Variants in LAMB4 observed in about 807,000 individuals in gnomAD.
LAMB4 encodes laminin subunit beta-4.
In LAMB4, 196 loss-of-function variants were observed where a neutral mutation model predicts 199.2. The observed-to-expected ratio is 0.98, with a 90% CI of 0.88 to 1.11. The LOEUF (loss-of-function observed/expected upper bound fraction) is 1.11, where lower values mean the gene tolerates loss of function less well. Among genes scored for constraint, LAMB4 ranks in the 50% least tolerant of loss-of-function variants. The pLI is 0.00. For missense variants in LAMB4, 2,080 were observed against 2,171.2 expected (o/e 0.96, Z 0.83); for synonymous variants, 744 against 770.6 (o/e 0.97, Z 0.57).
chr7:108,109,497 G>T (rs2038142854), intron 4 of LAMB4, among the ~76,000 whole-genome samples: 1 of 152,186 alleles, frequency 6.6e-6, no homozygotes, highest in Admixed American at 6.5e-5. Context: ...CTATGTGGCA[G>T]CATTACATAT....
intron 12 of LAMB4, among the ~76,000 whole-genome samples, chr7:108,093,411 C>T (rs94604): frequency 0.4 from 61,197 of 152,024 alleles, 12,662 homozygotes; most frequent in East Asian, 0.58. Context: ...ACCACAACAA[C>T]CCCTGGGAAT....
At chr7:108,118,199 G>A (rs1277443984) in intron 2 of LAMB4, among the ~76,000 whole-genome samples, 1 of 152,040 alleles carries the variant, frequency 6.6e-6, no homozygotes, top group Non-Finnish European at 1.5e-5. Context: ...TTAGAATCCT[G>A]TTTGATTCTG....
In LAMB4 at chr7:108,043,545, G is replaced by GTTTT. The variant is rs748169558; in HGVS notation, c.4471+203_4471+206dup. On this transcript the variant is annotated intron_variant, in intron 29 of 33. Transcript: ENST00000388781. ...AATATAATTTGGAACTGGCTATGAT[G>GTTTT]TTTTTTTTTTTTTTTTTTTTTTTTT... Among the ~76,000 whole-genome samples the GTTTT allele has an allele frequency of 3.6e-4, 20 of 55,984 alleles. 1 individual carries two copies. Among genetic ancestry groups the GTTTT allele is most frequent in the Non-Finnish European group, 4.1e-4 (14 of 34,516 alleles). 36.7% of individuals were successfully genotyped at this position (55,984 alleles called of 152,430 possible). A position where few individuals can be genotyped will look rare whatever the true frequency, so the allele number is the denominator to read the frequency against.
At chr7:108,064,121 A>G in intron 21 of LAMB4, 136 bp from the exon 22 acceptor site, 1 of 654,850 alleles carries the variant, frequency 1.5e-6, no homozygotes, top group Admixed American at 2.6e-5. Context: ...GTGAATAACG[A>G]AAAGTGTTCT....
chr7:108,053,215 C>G (rs2035880049), intron 25 of LAMB4, among the ~76,000 whole-genome samples: 1 of 152,218 alleles, frequency 6.6e-6, no homozygotes, highest in Non-Finnish European at 1.5e-5. Flanking sequence ...CAGACTTTCT[C>G]TCTTTTGATG....
At chr7:108,016,324 C>G in the LAMB4 span, among the ~76,000 whole-genome samples, 1 of 123,224 alleles carries the variant, frequency 8.1e-6, no homozygotes, top group Admixed American at 1.1e-4. Context: ...CGCTCTGTTG[C>G]TCAGGCTGGA....
intron 26 of LAMB4, 35 bp downstream of exon 26, chr7:108,052,062 G>T (rs768027282): frequency 6.4e-7 from 1 of 1,567,380 alleles, no homozygotes; most frequent in Non-Finnish European, 8.7e-7. Context: ...ATCAAACTTT[G>T]TGCAGACACA....
chr7:108,103,225 G>T lies in LAMB4; in HGVS notation c.999C>A (p.Ser333Arg). 1 of 1,554,340 alleles carries T rather than the reference G, an allele frequency of 6.4e-7. No individual in the cohort carries two copies. Among genetic ancestry groups the T allele is most frequent in the Non-Finnish European group, 8.7e-7 (1 of 1,148,106 alleles). ...GACAGCGGCTGGAGTGGCTATTACAGCTGCACGCTGAAAGGAGAAGACAGT... is the reference window on the plus strand; with the variant it reads ...GACAGCGGCTGGAGTGGCTATTACATCTGCACGCTGAAAGGAGAAGACAGT... ...DLQDNACRSC[S>R]CNSHSSRCHF... The change falls in exon 10 of 34, where the codon AGC (serine) becomes AGA (arginine). Residue 333 changes from serine to arginine, a missense_variant. Transcript: ENST00000388781.
intron 2 of LAMB4, among the ~76,000 whole-genome samples, chr7:108,119,551 A>G (rs1368285984): frequency 6.6e-6 from 1 of 152,192 alleles, no homozygotes; most frequent in South Asian, 2.1e-4. Flanking sequence ...GTATCACATT[A>G]CTGAATGACA....
At chr7:108,038,379 T>C (rs940909133) in intron 29 of LAMB4, among the ~76,000 whole-genome samples, 2 of 152,174 alleles carry the variant, frequency 1.3e-5, no homozygotes, top group African/African-American at 4.8e-5. Flanking sequence ...GCCAGGATGG[T>C]CTCGATCTCC....
At chr7:108,111,777 G>T in intron 4 of LAMB4, 34 bp downstream of exon 4, 1 of 1,583,336 alleles carries the variant, frequency 6.3e-7, no homozygotes, top group Non-Finnish European at 8.6e-7. Context: ...AAATATTGAA[G>T]AAATAAACAA....
At chr7:108,121,663 T>C (rs2038603433) in intron 2 of LAMB4, among the ~76,000 whole-genome samples, 1 of 151,642 alleles carries the variant, frequency 6.6e-6, no homozygotes, top group Admixed American at 6.6e-5. Context: ...GGCAGGAGAA[T>C]TGCTTGAACC....
At position 108,091,627 on chromosome 7, in the gene LAMB4, A is replaced by C. The variant is rs147924249; in HGVS notation, c.1700T>G (p.Leu567Trp). Reference protein sequence around the residue: ...EATTLQGLAPLGSETFGQSPA... With the variant: ...EATTLQGLAPWGSETFGQSPA... ...AGGGAAAGTAAATGAAATACGAACCAAAGGCGCCAGTCCTTGGAGTGTTGT... is the reference window on the plus strand; with the variant it reads ...AGGGAAAGTAAATGAAATACGAACCCAAGGCGCCAGTCCTTGGAGTGTTGT... Residue 567 changes from leucine (L) to tryptophan (W), a missense_variant and splice_region_variant, in exon 14 of 34, where the codon TTG (leucine) becomes TGG (tryptophan). Coordinates refer to ENST00000388781, the MANE Select transcript of LAMB4 (RefSeq NM_007356.3). 3.7e-5 allele frequency: 59 copies of C among 1,612,562 alleles called. No individual in the cohort carries two copies. Among genetic ancestry groups the C allele is most frequent in the Middle Eastern group, 1.6e-4 (1 of 6,070 alleles).
intron 25 of LAMB4, among the ~76,000 whole-genome samples, chr7:108,053,080 C>G (rs2035875628): frequency 6.6e-6 from 1 of 152,152 alleles, no homozygotes; most frequent in African/African-American, 2.4e-5. Context: ...ATTCTTCAGG[C>G]TAACAATAAT....
chr7:108,111,698 T>C, intron 4 of LAMB4, 113 bp downstream of exon 4: 1 of 872,178 alleles, frequency 1.1e-6, no homozygotes, highest in Non-Finnish European at 1.8e-6. Flanking sequence ...TGGAGGATAC[T>C]GTTCCATTCC....
chr7:108,031,130 A>G (rs992199678), intron 31 of LAMB4, 151 bp from the exon 32 acceptor site: 1 of 577,896 alleles, frequency 1.7e-6, no homozygotes, highest in Admixed American at 3.3e-5. Flanking sequence ...TTAAAATATT[A>G]TAATAAAATA....
intron 33 of LAMB4, among the ~76,000 whole-genome samples, chr7:108,025,758 G>GA (rs2034816658): frequency 6.6e-6 from 1 of 152,168 alleles, no homozygotes; most frequent in Non-Finnish European, 1.5e-5. Context: ...ATTTGGGATT[G>GA]AAAAGGGGAT....
intron 14 of LAMB4, 44 bp downstream of exon 14, chr7:108,091,582 T>C (rs1333788440): frequency 1.3e-6 from 2 of 1,584,396 alleles, no homozygotes; most frequent in Middle Eastern, 1.7e-4. Flanking sequence ...TTTACTGACA[T>C]ATCATCAAAC....
chr7:108,068,024 C>T lies in LAMB4; in HGVS notation c.2438G>A (p.Gly813Asp). Reference sequence around the variant, plus strand: ...TGTGTTTTGCTACGTACGGTGACAGCCGTGATGCCCCAAATCATAGCTTCC... The same window carrying T: ...TGTGTTTTGCTACGTACGGTGACAGTCGTGATGCCCCAAATCATAGCTTCC... ...STGSYDLGHHGCHPCHCHPQG... is the reference protein window; with the variant it reads ...STGSYDLGHHDCHPCHCHPQG... Residue 813 changes from glycine (G) to aspartate (D), a missense_variant, in exon 19 of 34, where the codon GGC (glycine) becomes GAC (aspartate). Coordinates refer to ENST00000388781, the MANE Select transcript of LAMB4 (RefSeq NM_007356.3). 6.2e-7 allele frequency: 1 copy of T among 1,614,152 alleles called. No homozygotes were observed. Among genetic ancestry groups the T allele is most frequent in the Non-Finnish European group, 8.5e-7 (1 of 1,180,018 alleles).
Sources: allele counts gnomAD v4.1 joint callset (sites outside exome capture counted in the v4.1 genomes callset), GRCh38; gene constraint gnomAD v4.1.1; transcripts MANE v1.5; gene names NCBI Gene and HGNC (gene_info 2026-07-23, HGNC 2026-07-21).